The following ACYP2 variants were observed in gnomAD, a reference collection of about 807,000 sequenced individuals.
ACYP2 encodes the protein acylphosphatase 2.
In ACYP2, 12 loss-of-function variants were observed where a neutral mutation model predicts 11.2. That is an observed-to-expected ratio of 1.08 (90% CI 0.69 to 1.74). The LOEUF is 1.74. Among genes scored for constraint, ACYP2 ranks in the 40% most tolerant of loss-of-function variants. The pLI, the probability that ACYP2 is intolerant of heterozygous loss-of-function variation, is 0.00. For synonymous variants in ACYP2, 43 were observed against 32.2 expected, an observed-to-expected ratio of 1.33 and a Z score of -1.13; for missense variants, 134 against 101.9, an observed-to-expected ratio of 1.31 and a Z score of -1.35.
intron 6 of ACYP2, chr2:54,142,243 C>A (rs1681649652): frequency 4.1e-6 from 1 of 245,344 alleles, no homozygotes; most frequent in Admixed American, 5.5e-5. Flanking sequence ...ACACAGTTTT[C>A]CTCCTATTAA....
chr2:54,032,584 G>T (rs1674643247), intron 2 of ACYP2, among the ~76,000 whole-genome samples: 1 of 152,120 alleles, frequency 6.6e-6, no homozygotes, highest in Non-Finnish European at 1.5e-5. Context: ...TGTTCCTTTT[G>T]CTTAGGATTG....
chr2:54,296,647 T>C (rs1460005452), intron 6 of ACYP2, among the ~76,000 whole-genome samples: 1 of 152,228 alleles, frequency 6.6e-6, no homozygotes, highest in Non-Finnish European at 1.5e-5. Context: ...TCCTCTTATA[T>C]TGTTACTTTA....
At position 54,124,227 on chromosome 2, in the gene ACYP2, T is replaced by C. The variant is rs568304621; in HGVS notation, c.278-11226T>C. Among the ~76,000 whole-genome samples the C allele has an allele frequency of 5.3e-5, 8 of 152,062 alleles. No homozygotes were observed. The South Asian group carries it at 1.7e-3, about 32-fold the overall frequency. Reference sequence around the variant, plus strand: ...TTTTTTTTTTGAGACAGAGTTTCATTCTTGTTGCCCAGGCTGGAGTGCAAT... The same window carrying C: ...TTTTTTTTTTGAGACAGAGTTTCATCCTTGTTGCCCAGGCTGGAGTGCAAT... On this transcript the variant is annotated intron_variant, in intron 4 of 6. Transcript: ENST00000607452.
intron 2 of ACYP2, among the ~76,000 whole-genome samples, chr2:54,046,429 G>T (rs1214494316): frequency 6.7e-6 from 1 of 149,990 alleles, no homozygotes; most frequent in Non-Finnish European, 1.5e-5. Context: ...CAGTGAACCT[G>T]CAGTGAACTG....
At chr2:53,997,974 T>C (rs1672651282) in intron 2 of ACYP2, among the ~76,000 whole-genome samples, 1 of 152,182 alleles carries the variant, frequency 6.6e-6, no homozygotes, top group African/African-American at 2.4e-5. Flanking sequence ...GAATAGACTT[T>C]GGTGGTGTTT....
intron 2 of ACYP2, among the ~76,000 whole-genome samples, chr2:54,033,659 A>C (rs142620496): frequency 6.6e-6 from 1 of 152,188 alleles, no homozygotes; most frequent in African/African-American, 2.4e-5. Context: ...GCTTTCAGGC[A>C]GGGGAGTGAC....
intron 6 of ACYP2, among the ~76,000 whole-genome samples, chr2:54,168,141 C>T (rs1683075450): frequency 6.6e-6 from 1 of 152,090 alleles, no homozygotes; most frequent in South Asian, 2.1e-4. Context: ...CTGCTGTGTC[C>T]AGGCCAGGCA....
intron 6 of ACYP2, among the ~76,000 whole-genome samples, chr2:54,159,390 A>G (rs1682604928): frequency 6.9e-6 from 1 of 145,736 alleles, no homozygotes; most frequent in Non-Finnish European, 1.5e-5. Flanking sequence ...TTTTTTTTTA[A>G]TGAGACAGGG....
At chr2:54,203,386 T>C (rs1231379333) in intron 6 of ACYP2, among the ~76,000 whole-genome samples, 1 of 152,224 alleles carries the variant, frequency 6.6e-6, no homozygotes, top group Admixed American at 6.5e-5. Context: ...GAATCATCTA[T>C]ATATAAGATC....
In ACYP2 at chr2:54,304,421, G is replaced by C. The variant is rs75091446; in HGVS notation, c.405-267G>C. Among the ~76,000 whole-genome samples the C allele has an allele frequency of 7.0e-3, 1,058 of 152,218 alleles. 10 individuals are homozygous for C. Among genetic ancestry groups the C allele is most frequent in the African/African-American group, 0.024 (978 of 41,544 alleles). On this transcript the variant is annotated intron_variant, in intron 6 of 6. Transcript: ENST00000607452. ...AGTGGCCTTGGAGTGTTTTAAGTTGGCGGGTGGGGGAGATAACCCTAATAT... is the reference window on the plus strand; with the variant it reads ...AGTGGCCTTGGAGTGTTTTAAGTTGCCGGGTGGGGGAGATAACCCTAATAT...
At chr2:54,205,259 C>G (rs973389801) in intron 6 of ACYP2, among the ~76,000 whole-genome samples, 7 of 152,070 alleles carry the variant, frequency 4.6e-5, no homozygotes, top group African/African-American at 1.7e-4. Flanking sequence ...GGGAGCTGGT[C>G]TAAAAAATTC....
In ACYP2 at chr2:54,106,653, G is replaced by A. The variant is rs148918247; in HGVS notation, c.278-28800G>A. On this transcript the variant is annotated intron_variant, in intron 4 of 6. Coordinates refer to ENST00000607452, the MANE Select transcript of ACYP2 (RefSeq NM_001320586.2). ...CTGGAGGCTACAATGGCATGATCTC[G>A]GCTCACTGCAACCTCTGCCTCCTGG... is the stretch of plus-strand genomic sequence containing the variant. Among the ~76,000 whole-genome samples the A allele has an allele frequency of 1.5e-3, 231 of 152,170 alleles. 2 individuals are homozygous for A. Among genetic ancestry groups the A allele is most frequent in the African/African-American group, 4.7e-3 (197 of 41,522 alleles).
chr2:53,976,633 AG>A (rs1234566494), intron 2 of ACYP2, among the ~76,000 whole-genome samples: 1 of 125,160 alleles, frequency 8.0e-6, no homozygotes, highest in African/African-American at 2.9e-5. Flanking sequence ...AAGATTTGGG[AG>A]GAAAAAAAGA....
intron 6 of ACYP2, among the ~76,000 whole-genome samples, chr2:54,152,232 C>A (rs1322546997): frequency 6.6e-6 from 1 of 151,336 alleles, no homozygotes; most frequent in African/African-American, 2.4e-5. Flanking sequence ...ATACTCCTGC[C>A]TCAGCCTCCT....
chr2:54,039,447 A>C (rs1177135013), intron 2 of ACYP2, among the ~76,000 whole-genome samples: 1 of 151,784 alleles, frequency 6.6e-6, no homozygotes, highest in Non-Finnish European at 1.5e-5. Context: ...GTGCACTATC[A>C]TGCCTGGCTA....
At chr2:54,049,577 G>A (rs1486989315) in intron 2 of ACYP2, among the ~76,000 whole-genome samples, 1 of 152,106 alleles carries the variant, frequency 6.6e-6, no homozygotes, top group African/African-American at 2.4e-5. Flanking sequence ...AGCTGTGCAA[G>A]CATGGGCATG....
chr2:54,213,233 C>T (rs1266094460), intron 6 of ACYP2, among the ~76,000 whole-genome samples: 1 of 152,084 alleles, frequency 6.6e-6, no homozygotes, highest in Non-Finnish European at 1.5e-5. Context: ...GCATAATGGC[C>T]TCCAGTTCTA....
chr2:54,081,848 G>A (rs560473219), intron 4 of ACYP2, among the ~76,000 whole-genome samples: 2 of 152,304 alleles, frequency 1.3e-5, no homozygotes, highest in East Asian at 3.9e-4. Flanking sequence ...GATGATCTGG[G>A]ATGGCCTCAC....
At chr2:54,288,612 A>C (rs79298673) in intron 6 of ACYP2, among the ~76,000 whole-genome samples, 1,566 of 152,134 alleles carry the variant, frequency 0.01, 62 homozygotes, top group African/African-American at 0.036. Context: ...TAGTTTATAA[A>C]TTGATCTCCT....
Sources: allele counts gnomAD v4.1 joint callset (sites outside exome capture counted in the v4.1 genomes callset), GRCh38; gene constraint gnomAD v4.1.1; transcripts MANE v1.5; gene names NCBI Gene and HGNC (gene_info 2026-07-23, HGNC 2026-07-21).